SYNPR: variants seen among roughly 807,000 people sequenced by gnomAD.
SYNPR encodes the protein synaptoporin.
Under a neutral mutation model 32.9 loss-of-function variants are expected in SYNPR, and 23 were observed. That is an observed-to-expected ratio of 0.70 (90% CI 0.50 to 0.99). The LOEUF (loss-of-function observed/expected upper bound fraction) is 0.99, where lower values mean the gene tolerates loss of function less well. SYNPR is among the 50% of genes least tolerant of loss of function. The pLI, the probability that SYNPR is intolerant of heterozygous loss-of-function variation, is 0.00. For missense variants in SYNPR, 318 were observed against 349.3 expected (o/e 0.91, Z 0.71); for synonymous variants, 146 against 135.9 (o/e 1.07, Z -0.52).
chr3:63,553,836 C>T lies in SYNPR; in HGVS notation c.210-2707C>T, dbSNP rs549444532. Among the ~76,000 whole-genome samples the T allele has an allele frequency of 3.9e-5, 6 of 152,316 alleles. No individual in the cohort carries two copies. The South Asian group carries it at 1.2e-3, about 32-fold the overall frequency. Reference sequence around the variant, plus strand: ...TCCTAGGTTCAAGTGATTCTCCTGCCTCAGCCTCCCGAGTAGCTGGGATTA... The same window carrying T: ...TCCTAGGTTCAAGTGATTCTCCTGCTTCAGCCTCCCGAGTAGCTGGGATTA... On this transcript the variant is annotated intron_variant, in intron 3 of 5. Coordinates refer to ENST00000478300, the MANE Select transcript of SYNPR (RefSeq NM_001130003.2).
intron 2 of SYNPR, among the ~76,000 whole-genome samples, chr3:63,295,334 T>G (rs1575589396): frequency 6.6e-6 from 1 of 152,196 alleles, no homozygotes; most frequent in Non-Finnish European, 1.5e-5. Flanking sequence ...TTATTTTCCC[T>G]CTTTTCAGGC....
At chr3:63,572,197 T>A (rs900859582) in intron 4 of SYNPR, among the ~76,000 whole-genome samples, 2 of 152,096 alleles carry the variant, frequency 1.3e-5, no homozygotes, top group African/African-American at 4.8e-5. Context: ...TCTAATTGAG[T>A]CTTGCTACCT....
At chr3:63,477,582 A>G (rs1446123261) in intron 2 of SYNPR, among the ~76,000 whole-genome samples, 3 of 152,018 alleles carry the variant, frequency 2.0e-5, no homozygotes, top group African/African-American at 7.2e-5. Context: ...TCACACCTTT[A>G]TCTCGGCTGC....
At chr3:63,392,750 C>G (rs1007834954) in intron 2 of SYNPR, among the ~76,000 whole-genome samples, 4 of 152,244 alleles carry the variant, frequency 2.6e-5, no homozygotes, top group Non-Finnish European at 5.9e-5. Context: ...TGCTATAACT[C>G]AGTAAGACAC....
intron 3 of SYNPR, among the ~76,000 whole-genome samples, chr3:63,520,697 C>T (rs1701895186): frequency 6.6e-6 from 1 of 150,638 alleles, no homozygotes; most frequent in Admixed American, 6.6e-5. Context: ...TCAGAGTGAT[C>T]ATCCTCACCA....
In SYNPR at chr3:63,471,210, T is replaced by C. The variant is rs141200501; in HGVS notation, c.85-9622T>C. Among the ~76,000 whole-genome samples, 1,112 of 152,312 alleles carry C rather than the reference T, an allele frequency of 7.3e-3. 11 individuals carry two copies. Among genetic ancestry groups the C allele is most frequent in the African/African-American group, 0.025 (1,040 of 41,572 alleles). On this transcript the variant is annotated intron_variant, in intron 2 of 5. Transcript: ENST00000478300. ...GAAATGGAATGCAGGATGGACCACA[T>C]TGGGGCCATTTAAGAGCACAGGTAG...
At chr3:63,373,859 C>T (rs184943657) in intron 2 of SYNPR, among the ~76,000 whole-genome samples, 29 of 152,228 alleles carry the variant, frequency 1.9e-4, no homozygotes, top group South Asian at 2.1e-4. Flanking sequence ...CAAAGGGAAC[C>T]GCATCAGGCT....
chr3:63,363,545 C>T (rs372122500), intron 2 of SYNPR, among the ~76,000 whole-genome samples: 101 of 152,252 alleles, frequency 6.6e-4, no homozygotes, highest in African/African-American at 2.1e-3. Context: ...AGCTGAAACA[C>T]GTAGGTTTGG....
intron 2 of SYNPR, among the ~76,000 whole-genome samples, chr3:63,415,869 C>G (rs905102639): frequency 6.6e-6 from 1 of 152,210 alleles, no homozygotes. Context: ...AAAATTCCAT[C>G]TCTGAATGCT....
At chr3:63,560,485 A>C (rs775481929) in intron 4 of SYNPR, among the ~76,000 whole-genome samples, 38 of 152,354 alleles carry the variant, frequency 2.5e-4, no homozygotes, top group Middle Eastern at 6.8e-3. Context: ...ATACTAGAAA[A>C]GCATTTGTTC....
At chr3:63,464,995 C>A (rs1228567789) in intron 2 of SYNPR, among the ~76,000 whole-genome samples, 1 of 152,092 alleles carries the variant, frequency 6.6e-6, no homozygotes, top group East Asian at 1.9e-4. Context: ...TTAGTGTGTT[C>A]CATGTGAACT....
At chr3:63,264,502 A>C (rs551143111) in intron 2 of SYNPR, among the ~76,000 whole-genome samples, 1 of 152,332 alleles carries the variant, frequency 6.6e-6, no homozygotes, top group East Asian at 1.9e-4. Flanking sequence ...ATTTTATTAT[A>C]AACGGAAACA....
intron 2 of SYNPR, among the ~76,000 whole-genome samples, chr3:63,428,650 G>A (rs1056369982): frequency 6.6e-6 from 1 of 152,228 alleles, no homozygotes; most frequent in Non-Finnish European, 1.5e-5. Flanking sequence ...ATACTGACTG[G>A]TCTAGGCTAG....
intron 4 of SYNPR, among the ~76,000 whole-genome samples, chr3:63,602,523 T>C (rs1453936261): frequency 2.0e-5 from 3 of 152,208 alleles, no homozygotes; most frequent in Non-Finnish European, 4.4e-5. Context: ...TGTTTTTGTA[T>C]ATGGTGTAAG....
In SYNPR at chr3:63,239,041, C is replaced by T. The variant is rs184041132; in HGVS notation, n.66+10661C>T. 7.1e-4 allele frequency among the ~76,000 whole-genome samples: 108 copies of T among 152,124 alleles called. 1 individual carries two copies. The highest frequency in any genetic ancestry group is 1.5e-3 in the Admixed American group (23 of 15,274). On this transcript the variant is annotated intron_variant and non_coding_transcript_variant, in intron 1 of 4. Transcript: ENST00000478456. ...AATATTATTTTGGATAATGAAATGA[C>T]GCAAACTTCATCTTCCTATGGAGCT... is the stretch of plus-strand genomic sequence containing the variant.
chr3:63,400,279 A>G (rs548903013), intron 2 of SYNPR, among the ~76,000 whole-genome samples: 4 of 152,372 alleles, frequency 2.6e-5, no homozygotes, highest in Admixed American at 2.6e-4. Flanking sequence ...ACAGCAATAG[A>G]CATTTATTAT....
intron 2 of SYNPR, among the ~76,000 whole-genome samples, chr3:63,432,860 C>A (rs1340813557): frequency 6.6e-6 from 1 of 152,212 alleles, no homozygotes; most frequent in African/African-American, 2.4e-5. Context: ...TCACTAGCTT[C>A]ATGTGCTGTA....
chr3:63,592,135 T>C (rs1402546138), intron 4 of SYNPR, among the ~76,000 whole-genome samples: 1 of 152,024 alleles, frequency 6.6e-6, no homozygotes, highest in Non-Finnish European at 1.5e-5. Context: ...CAGCAGAGAC[T>C]GGAGCGGTGC....
At chr3:63,550,272 T>G (rs1702477448) in intron 3 of SYNPR, among the ~76,000 whole-genome samples, 1 of 151,122 alleles carries the variant, frequency 6.6e-6, no homozygotes, top group South Asian at 2.1e-4. Context: ...ATATATGCCT[T>G]TTGCTTATAA....
Sources: allele counts gnomAD v4.1 joint callset (sites outside exome capture counted in the v4.1 genomes callset), GRCh38; gene constraint gnomAD v4.1.1; transcripts MANE v1.5; gene names NCBI Gene and HGNC (gene_info 2026-07-23, HGNC 2026-07-21).